The following EML6 variants were observed in gnomAD, a reference collection of about 807,000 sequenced individuals.
The protein encoded by EML6 is echinoderm microtubule-associated protein-like 6.
EML6 carries 154 observed loss-of-function variants against 240.1 expected under a neutral mutation model. That is an observed-to-expected ratio of 0.64 (90% CI 0.56 to 0.73). The LOEUF is 0.73. EML6 is among the 30% of genes least tolerant of loss of function. EML6 has a pLI of 0.00. For missense variants in EML6, 2,964 were observed against 2,474.6 expected, an observed-to-expected ratio of 1.20 and a Z score of -4.20; for synonymous variants, 1,148 against 899.0, an observed-to-expected ratio of 1.28 and a Z score of -4.95.
intron 16 of EML6, among the ~76,000 whole-genome samples, chr2:54,875,877 C>G (rs1208432769): frequency 6.6e-6 from 1 of 152,094 alleles, no homozygotes; most frequent in African/African-American, 2.4e-5. Flanking sequence ...AAATATCAAC[C>G]ATATAATTTT....
At chr2:54,866,641 C>T in intron 13 of EML6, 125 bp from the exon 14 acceptor site, 1 of 507,554 alleles carries the variant, frequency 2.0e-6, no homozygotes, top group South Asian at 3.9e-5. Flanking sequence ...TATTCATTCT[C>T]ATGTCTTAAG....
At chr2:54,837,499 C>T (rs1447128806) in intron 7 of EML6, among the ~76,000 whole-genome samples, 1 of 152,226 alleles carries the variant, frequency 6.6e-6, no homozygotes, top group Admixed American at 6.5e-5. Context: ...TGGTGAGAAT[C>T]CTTACTGCCC....
chr2:54,951,282 C>T (rs1675962702), intron 30 of EML6, among the ~76,000 whole-genome samples: 1 of 152,134 alleles, frequency 6.6e-6, no homozygotes, highest in Non-Finnish European at 1.5e-5. Flanking sequence ...CCTGTAATCC[C>T]AGCACTTTGA....
At chr2:54,759,786 G>A (rs1667897556) in intron 2 of EML6, among the ~76,000 whole-genome samples, 1 of 151,848 alleles carries the variant, frequency 6.6e-6, no homozygotes, top group Non-Finnish European at 1.5e-5. Context: ...CCAATGTTAG[G>A]CTGTGCTAAG....
At chr2:54,789,513 C>CAAAAAAAAAAAAAAAAAAAAA (rs576842183) in intron 2 of EML6, among the ~76,000 whole-genome samples, 1 of 77,898 alleles carries the variant, frequency 1.3e-5, no homozygotes, top group Non-Finnish European at 2.5e-5. Context: ...GACTTCGTCT[C>CAAAAAAAAAAAAAAAAAAAAA]AAAAAAAAAA....
At chr2:54,942,034 C>G (rs980347607) in intron 28 of EML6, among the ~76,000 whole-genome samples, 1 of 152,138 alleles carries the variant, frequency 6.6e-6, no homozygotes, top group Non-Finnish European at 1.5e-5. Flanking sequence ...TGATTTTTTT[C>G]TAAGTGAATA....
chr2:54,928,819 G>C, intron 28 of EML6, 68 bp downstream of exon 28: 1 of 1,539,130 alleles, frequency 6.5e-7, no homozygotes, highest in Non-Finnish European at 8.8e-7. Flanking sequence ...AAGCCAGAGT[G>C]CGTTTTCTTT....
At chr2:54,921,682 A>G (rs1674262424) in intron 26 of EML6, among the ~76,000 whole-genome samples, 1 of 152,182 alleles carries the variant, frequency 6.6e-6, no homozygotes, top group Non-Finnish European at 1.5e-5. Context: ...ATTTCAAACT[A>G]TATTACAAAG....
At position 54,774,852 on chromosome 2, in the gene EML6, G is replaced by T. The variant is rs1231363758; in HGVS notation, c.198-38380G>T. 2.6e-5 allele frequency among the ~76,000 whole-genome samples: 4 copies of T among 152,196 alleles called. No individual in the cohort carries two copies. Among genetic ancestry groups the T allele is most frequent in the Non-Finnish European group, 5.9e-5 (4 of 68,028 alleles). On this transcript the variant is annotated intron_variant, in intron 2 of 41. Transcript: ENST00000356458. The surrounding 1 kb of genome is among the most constrained non-coding windows in gnomAD (Gnocchi z 4.1). Reference sequence around the variant, plus strand: ...TCTCCTAATGACTTGCATTAGAAAAGATAGTGTTGACATTGCTTTTGCCTT... The same window carrying T: ...TCTCCTAATGACTTGCATTAGAAAATATAGTGTTGACATTGCTTTTGCCTT...
At chr2:54,814,212 T>C (rs956134829) in intron 3 of EML6, among the ~76,000 whole-genome samples, 3 of 152,236 alleles carry the variant, frequency 2.0e-5, no homozygotes, top group Admixed American at 1.3e-4. Flanking sequence ...GCAAGACTCC[T>C]ATAGCAGACC....
intron 4 of EML6, among the ~76,000 whole-genome samples, chr2:54,818,652 C>A (rs1214379717): frequency 6.6e-6 from 1 of 152,218 alleles, no homozygotes; most frequent in East Asian, 1.9e-4. Context: ...CTCTGGATAT[C>A]ATGTGACTTG....
chr2:54,770,225 A>G (rs758201942), intron 2 of EML6, among the ~76,000 whole-genome samples: 2 of 152,184 alleles, frequency 1.3e-5, no homozygotes, highest in African/African-American at 2.4e-5. Context: ...TGAACTATAA[A>G]TAGTATAAGG....
intron 33 of EML6, among the ~76,000 whole-genome samples, chr2:54,958,884 C>T (rs961841252): frequency 6.6e-6 from 1 of 151,984 alleles, no homozygotes; most frequent in Non-Finnish European, 1.5e-5. Context: ...GTCAGATGCC[C>T]AAGCCAGTTA....
At chr2:54,792,910 C>CA (rs961968755) in intron 2 of EML6, among the ~76,000 whole-genome samples, 17 of 151,506 alleles carry the variant, frequency 1.1e-4, no homozygotes, top group South Asian at 2.1e-4. Flanking sequence ...TTATAAAAAG[C>CA]AAAAAAAAGA....
chr2:54,920,629 A>T (rs183639624), intron 26 of EML6, among the ~76,000 whole-genome samples: 1 of 152,210 alleles, frequency 6.6e-6, no homozygotes, highest in Admixed American at 6.5e-5. Flanking sequence ...AAGAAAAAAA[A>T]TTGAAGGGGA....
chr2:54,786,479 C>T (rs573438168), intron 2 of EML6, among the ~76,000 whole-genome samples: 1 of 152,164 alleles, frequency 6.6e-6, no homozygotes, highest in Non-Finnish European at 1.5e-5. Flanking sequence ...GTGGGGTCCC[C>T]TCCCCTGCTC....
At chr2:54,899,429 G>A (rs1184937777) in intron 21 of EML6, among the ~76,000 whole-genome samples, 2 of 152,196 alleles carry the variant, frequency 1.3e-5, no homozygotes, top group East Asian at 3.8e-4. Context: ...GCAAATGAAT[G>A]ATTTAGCATC....
chr2:54,930,103 C>G (rs1348841045), intron 28 of EML6, among the ~76,000 whole-genome samples: 1 of 152,064 alleles, frequency 6.6e-6, no homozygotes, highest in East Asian at 1.9e-4. Flanking sequence ...AAAAAAATTA[C>G]CCAGCCTTTC....
intron 22 of EML6, among the ~76,000 whole-genome samples, chr2:54,902,190 A>G (rs1026887945): frequency 3.9e-5 from 6 of 152,220 alleles, no homozygotes; most frequent in African/African-American, 1.2e-4. Flanking sequence ...AAATTTTATT[A>G]TAGAACTCCT....
Sources: allele counts gnomAD v4.1 joint callset (sites outside exome capture counted in the v4.1 genomes callset), GRCh38; gene constraint gnomAD v4.1.1; non-coding constraint Gnocchi (gnomAD v3.1); transcripts MANE v1.5; gene names NCBI Gene and HGNC (gene_info 2026-07-23, HGNC 2026-07-21).